Variants in RAB36 observed in about 807,000 individuals in gnomAD.
The protein encoded by RAB36 is ras-related protein Rab-36.
Under a neutral mutation model 39.3 loss-of-function variants are expected in RAB36, and 33 were observed. That is an observed-to-expected ratio of 0.84 (90% CI 0.64 to 1.12). The LOEUF is 1.12. RAB36 is among the 50% of genes most tolerant of loss of function. The pLI is 0.00. For missense variants in RAB36, 308 were observed against 355.3 expected, an observed-to-expected ratio of 0.87 and a Z score of 1.07; for synonymous variants, 133 against 140.2, an observed-to-expected ratio of 0.95 and a Z score of 0.36.
At chr22:23,160,333 C>T (rs903038797) in intron 9 of RAB36, among the ~76,000 whole-genome samples, 1 of 152,176 alleles carries the variant, frequency 6.6e-6, no homozygotes, top group East Asian at 1.9e-4. Context: ...CTGCCCTATG[C>T]GGTTGTGCAG....
rs985031766 is a variant in RAB36 at position 23,160,795 on chromosome 22, A to G, written c.620-84A>G. On this transcript the variant is annotated intron_variant, in intron 9 of 10. Transcript: ENST00000263116. ...AAGGGCTACGTGCCAACCTGAGGGT[A>G]GGCTAGCCTGGCTTTCACACCCAGA... 43 of 1,537,192 alleles carry G rather than the reference A, an allele frequency of 2.8e-5. No homozygotes were observed. The African/African-American group carries it at 5.2e-4, about 18-fold the overall frequency.
In RAB36 at chr22:23,152,532, A is replaced by G. The variant is rs748896519; in HGVS notation, c.227+6A>G. The G allele has an allele frequency of 4.3e-6, 7 of 1,613,986 alleles. No individual in the cohort carries two copies. In the Middle Eastern group the frequency reaches 5.0e-4, roughly 114 times the overall value. On this transcript the variant is annotated splice_donor_region_variant and intron_variant, in intron 4 of 10. Coordinates refer to ENST00000263116, the MANE Select transcript of RAB36 (RefSeq NM_004914.5). ...AAGACCAGCCTCATCCACAGGTACA[A>G]GGCTTCCTCTGCCCCTTTGGCCACC... is the stretch of plus-strand genomic sequence containing the variant.
intron 1 of RAB36, 75 bp downstream of exon 1, chr22:23,145,626 C>T: frequency 6.8e-7 from 1 of 1,462,896 alleles, no homozygotes. Context: ...AGGCCAGGGC[C>T]GCGAGGGCAC....
chr22:23,158,834 C>T (rs1322673170), intron 7 of RAB36, 64 bp from the exon 8 acceptor site: 31 of 1,467,460 alleles, frequency 2.1e-5, no homozygotes, highest in Non-Finnish European at 2.9e-5. Flanking sequence ...CCAAGTGTGC[C>T]CTCTGCCCCC....
chr22:23,152,351 G>C, intron 3 of RAB36, 110 bp from the exon 4 acceptor site: 1 of 1,125,230 alleles, frequency 8.9e-7, no homozygotes, highest in Non-Finnish European at 1.3e-6. Flanking sequence ...CCTGTGTCCA[G>C]GAGTGAGGGG....
rs368587126 is a variant in RAB36 at position 23,145,520 on chromosome 22, G to A, written c.-44G>A. 6.2e-7 allele frequency: 1 copy of A among 1,604,290 alleles called. No homozygotes were observed. The highest frequency in any genetic ancestry group is 8.5e-7 in the Non-Finnish European group (1 of 1,179,440). Reference sequence around the variant, plus strand: ...GCCGCTGGCTCAGGCGGACCAGGCCGCGCGGAGCCCCAGCTTTCACAGCCA... The same window carrying A: ...GCCGCTGGCTCAGGCGGACCAGGCCACGCGGAGCCCCAGCTTTCACAGCCA... On this transcript the variant is annotated 5_prime_UTR_variant, in exon 1 of 11. Coordinates refer to ENST00000263116, the MANE Select transcript of RAB36 (RefSeq NM_004914.5).
At chr22:23,167,288 C>A (rs1178656793), downstream of RAB36, among the ~76,000 whole-genome samples, 1 of 152,196 alleles carries the variant, frequency 6.6e-6, no homozygotes, top group Non-Finnish European at 1.5e-5. Context: ...CTCAGGGTCC[C>A]CCAGCTGAGC....
At position 23,163,606 on chromosome 22, in the gene RAB36, G is replaced by GCCCCCCCCCCCCCCCCC. The variant is rs71744650; in HGVS notation, c.*2052_*2053insCCCCCCCCCCCCCCCCC. The GCCCCCCCCCCCCCCCCC allele has an allele frequency of 1.4e-4, 17 of 125,214 alleles. 1 individual carries two copies. Among genetic ancestry groups the GCCCCCCCCCCCCCCCCC allele is most frequent in the Admixed American group, 3.3e-4 (4 of 12,110 alleles). The allele number at this position is 125,214 out of a possible 1,614,324, so 7.8% of individuals were successfully genotyped here. ...AAAGCATATAAAATACAAGGTGAAA[G>GCCCCCCCCCCCCCCCCC]CCCCCCCCCCGCCACATTAGCTGCG... On this transcript the variant is annotated 3_prime_UTR_variant, in exon 11 of 11. Transcript: ENST00000263116.
At chr22:23,152,339 A>G in intron 3 of RAB36, 122 bp from the exon 4 acceptor site, 1 of 987,206 alleles carries the variant, frequency 1.0e-6, no homozygotes, top group Non-Finnish European at 1.6e-6. Flanking sequence ...AGGGTGGCCC[A>G]TCCTGTGTCC....
rs967799853 is a variant in RAB36, at chr22:23,156,689, TACA to T, written c.394+661_394+663del. Among the ~76,000 whole-genome samples, 7 of 152,336 alleles carry T rather than the reference TACA, an allele frequency of 4.6e-5. No homozygotes were observed. In the East Asian group the frequency reaches 9.7e-4, roughly 21 times the overall value. ...GTCTACTCGGTAGTGGTGAAAAAGT[TACA>T]ACATTTTCTTTTAGACTTAAAAGAA... On this transcript the variant is annotated intron_variant, in intron 6 of 10. Coordinates refer to ENST00000263116, the MANE Select transcript of RAB36 (RefSeq NM_004914.5).
At chr22:23,156,054 G>C (rs999689702) in intron 6 of RAB36, 22 bp downstream of exon 6, 4 of 1,603,660 alleles carry the variant, frequency 2.5e-6, no homozygotes, top group Non-Finnish European at 3.4e-6. Flanking sequence ...GCCACGTCGG[G>C]GCTCAACTGC....
intron 7 of RAB36, 63 bp from the exon 8 acceptor site, chr22:23,158,835 C>T: frequency 2.0e-6 from 3 of 1,484,290 alleles, no homozygotes; most frequent in African/African-American, 1.4e-5. Context: ...CAAGTGTGCC[C>T]TCTGCCCCCT....
At chr22:23,158,827 A>C in intron 7 of RAB36, 71 bp from the exon 8 acceptor site, 4 of 1,385,392 alleles carry the variant, frequency 2.9e-6, no homozygotes, top group Non-Finnish European at 3.1e-6. Context: ...GGAGGTCCCA[A>C]GTGTGCCCTC....
intron 2 of RAB36, among the ~76,000 whole-genome samples, chr22:23,148,390 TGAA>T (rs1394136130): frequency 3.3e-5 from 5 of 152,170 alleles, no homozygotes; most frequent in African/African-American, 1.2e-4. Flanking sequence ...TATCATGAGA[TGAA>T]GAACCTCATT....
At chr22:23,146,382 GT>G (rs900607989) in intron 1 of RAB36, among the ~76,000 whole-genome samples, 1 of 151,178 alleles carries the variant, frequency 6.6e-6, no homozygotes, top group African/African-American at 2.4e-5. Flanking sequence ...AATTTTTTTG[GT>G]TTTTTTTTGT....
chr22:23,161,017 G>T lies in RAB36; in HGVS notation c.739+19G>T. ...CTAATCCGTGAGTATAGGTGTGACTGGGTTGGGCTGGGGAGTAGGCTGGAG... is the reference window on the plus strand; with the variant it reads ...CTAATCCGTGAGTATAGGTGTGACTTGGTTGGGCTGGGGAGTAGGCTGGAG... On this transcript the variant is annotated intron_variant, in intron 10 of 10. Transcript: ENST00000263116. 6.3e-7 allele frequency: 1 copy of T among 1,586,344 alleles called. No homozygotes were observed. Among genetic ancestry groups the T allele is most frequent in the South Asian group, 1.1e-5 (1 of 89,802 alleles).
chr22:23,150,216 C>A (rs765641529), intron 3 of RAB36, 62 bp downstream of exon 3: 2 of 1,317,712 alleles, frequency 1.5e-6, no homozygotes, highest in Admixed American at 3.9e-5. Flanking sequence ...GCATGAAGCA[C>A]GTGAAAGAAT....
At chr22:23,160,432 T>C (rs1434974321) in intron 9 of RAB36, among the ~76,000 whole-genome samples, 1 of 152,178 alleles carries the variant, frequency 6.6e-6, no homozygotes, top group Non-Finnish European at 1.5e-5. Context: ...TGGAGGAGGA[T>C]GCATAAAGGC....
intron 5 of RAB36, chr22:23,153,573 G>A (rs1472735190): frequency 1.0e-6 from 1 of 985,188 alleles, no homozygotes; most frequent in Non-Finnish European, 1.2e-6. Context: ...CTTGGGCAAG[G>A]AGGGCTGAGA....
Sources: gnomAD v4.1 joint callset for allele counts (sites outside exome capture counted in the v4.1 genomes callset) on GRCh38, gnomAD v4.1.1 for gene constraint, MANE v1.5 for transcripts, NCBI Gene and HGNC (gene_info 2026-07-23, HGNC 2026-07-21) for gene names.